PRKN: variants seen among roughly 807,000 people sequenced by gnomAD.
The protein encoded by PRKN is E3 ubiquitin-protein ligase parkin.
Under a neutral mutation model 59.5 loss-of-function variants are expected in PRKN, and 56 were observed. That is an observed-to-expected ratio of 0.94 (90% CI 0.76 to 1.18). The LOEUF (loss-of-function observed/expected upper bound fraction) is 1.18, where lower values mean the gene tolerates loss of function less well. Among genes scored for constraint, PRKN ranks in the 50% most tolerant of loss-of-function variants. The probability of loss-of-function intolerance (pLI) is 0.00; values close to 1 mark genes in which losing one functional copy is unlikely to be tolerated. For synonymous variants in PRKN, 250 were observed against 222.1 expected (o/e 1.13, Z -1.12); for missense variants, 657 against 596.4 (o/e 1.10, Z -1.06).
intron 2 of PRKN, among the ~76,000 whole-genome samples, chr6:162,439,351 TC>T (rs1250736884): frequency 6.8e-6 from 1 of 146,132 alleles, no homozygotes; most frequent in African/African-American, 2.5e-5. Flanking sequence ...TCTCTCTCTC[TC>T]TCTCTCTCTC....
chr6:162,445,984 G>A (rs1790299747), intron 1 of PRKN, among the ~76,000 whole-genome samples: 1 of 152,010 alleles, frequency 6.6e-6, no homozygotes, highest in South Asian at 2.1e-4. Context: ...AAAGTGTTTA[G>A]AAAAAGGAAG....
chr6:162,052,037 A>G (rs1363692668), intron 5 of PRKN, among the ~76,000 whole-genome samples: 1 of 152,236 alleles, frequency 6.6e-6, no homozygotes, highest in African/African-American at 2.4e-5. Flanking sequence ...CTGTGTTATT[A>G]GATGAGATCG....
chr6:161,955,944 T>C (rs1043807030), intron 6 of PRKN, among the ~76,000 whole-genome samples: 16 of 152,232 alleles, frequency 1.1e-4, no homozygotes, highest in Non-Finnish European at 5.9e-5. Context: ...TTATATACTC[T>C]TTCATTATGC....
chr6:161,381,405 C>G (rs1322787894), intron 10 of PRKN, among the ~76,000 whole-genome samples: 1 of 152,162 alleles, frequency 6.6e-6, no homozygotes, highest in Non-Finnish European at 1.5e-5. Context: ...TCTCCCTTGC[C>G]TATGGACAAA....
chr6:162,110,605 A>G (rs1780388943), intron 4 of PRKN, among the ~76,000 whole-genome samples: 1 of 152,230 alleles, frequency 6.6e-6, no homozygotes, highest in African/African-American at 2.4e-5. Context: ...GAATCCTTAA[A>G]AAGACCGTTG....
In PRKN at chr6:162,312,006, A is replaced by C. The variant is rs954232203; in HGVS notation, c.172-49241T>G. ...CGTGCATGCATACACGTACACACTTATACACCATGCATATATGTGTGTGTT... is the reference window on the plus strand; with the variant it reads ...CGTGCATGCATACACGTACACACTTCTACACCATGCATATATGTGTGTGTT... On this transcript the variant is annotated intron_variant, in intron 2 of 11. Transcript: ENST00000366898. Among the ~76,000 whole-genome samples the C allele has an allele frequency of 2.0e-5, 3 of 152,152 alleles. No individual in the cohort carries two copies. The South Asian group carries it at 6.2e-4, about 32-fold the overall frequency.
chr6:162,035,994 T>A (rs1002277600), intron 5 of PRKN, among the ~76,000 whole-genome samples: 5 of 152,056 alleles, frequency 3.3e-5, no homozygotes, highest in African/African-American at 1.2e-4. Context: ...GTAGAGAAGA[T>A]CCTCCTAATA....
intron 9 of PRKN, among the ~76,000 whole-genome samples, chr6:161,481,994 A>G (rs1791424489): frequency 1.5e-5 from 2 of 133,756 alleles, no homozygotes; most frequent in African/African-American, 5.5e-5. Flanking sequence ...TGGTCCATAA[A>G]TATGTTCATT....
intron 1 of PRKN, among the ~76,000 whole-genome samples, chr6:162,450,638 T>C (rs1490278511): frequency 2.6e-5 from 4 of 152,124 alleles, no homozygotes; most frequent in Non-Finnish European, 5.9e-5. Flanking sequence ...CAGTCTAATC[T>C]TCACGAAAAC....
intron 7 of PRKN, among the ~76,000 whole-genome samples, chr6:161,703,839 CTTTTTTTTTTTTTTTTTTTTT>C (rs71004062): frequency 0.043 from 2,560 of 59,868 alleles, 124 homozygotes; most frequent in African/African-American, 0.14. Context: ...CTCTCTCTCT[CTTTTTTTTTTTTTTTTTTTTT>C]TTTTTTTTTT....
intron 1 of PRKN, among the ~76,000 whole-genome samples, chr6:162,478,924 C>G (rs1231146299): frequency 1.3e-5 from 2 of 152,180 alleles, no homozygotes; most frequent in Non-Finnish European, 2.9e-5. Flanking sequence ...TCTGGGTGAT[C>G]AGGGAGCGAG....
chr6:162,638,690 C>G lies in PRKN; in HGVS notation c.7+88972G>C, dbSNP rs560953584. Reference sequence around the variant, plus strand: ...GCCCCAAAACTCTCAGAGCAAAGTACAAGTACTTCCGTTTGGTATTCTAGG... The same window carrying G: ...GCCCCAAAACTCTCAGAGCAAAGTAGAAGTACTTCCGTTTGGTATTCTAGG... On this transcript the variant is annotated intron_variant, in intron 1 of 11. Transcript: ENST00000366898. 3.3e-5 allele frequency among the ~76,000 whole-genome samples: 5 copies of G among 149,278 alleles called. No homozygotes were observed. In the South Asian group the frequency reaches 1.1e-3, roughly 32 times the overall value.
chr6:162,443,276 G>A (rs374566506), intron 2 of PRKN, 34 bp downstream of exon 2: 348 of 1,609,798 alleles, frequency 2.2e-4, no homozygotes, highest in Non-Finnish European at 2.7e-4. Flanking sequence ...TGGAGCTGGC[G>A]GCATCCCAAG....
At chr6:161,933,630 G>T (rs1240752390) in intron 6 of PRKN, among the ~76,000 whole-genome samples, 1 of 150,724 alleles carries the variant, frequency 6.6e-6, no homozygotes. Context: ...GTCCTAAAGT[G>T]TCTGTCTGTC....
intron 5 of PRKN, among the ~76,000 whole-genome samples, chr6:161,997,442 GTC>G (rs1190547264): frequency 1.3e-5 from 2 of 152,034 alleles, no homozygotes; most frequent in South Asian, 2.1e-4. Flanking sequence ...TTTGTGCAGT[GTC>G]TCTGTGCCTT....
intron 6 of PRKN, among the ~76,000 whole-genome samples, chr6:161,788,032 G>A (rs913196849): frequency 9.8e-5 from 15 of 152,302 alleles, no homozygotes; most frequent in African/African-American, 2.9e-4. Flanking sequence ...ACGAACTCCC[G>A]CCACAGTGGC....
At chr6:161,949,601 C>T (rs961571445) in intron 6 of PRKN, among the ~76,000 whole-genome samples, 1 of 152,184 alleles carries the variant, frequency 6.6e-6, no homozygotes, top group Non-Finnish European at 1.5e-5. Flanking sequence ...AGGCCCTCTG[C>T]AAGTGGATCC....
chr6:162,460,128 T>G (rs1562781355), intron 1 of PRKN, among the ~76,000 whole-genome samples: 2 of 152,238 alleles, frequency 1.3e-5, no homozygotes, highest in Non-Finnish European at 2.9e-5. Context: ...TGCTCATCAA[T>G]TAACCAATGA....
chr6:162,177,094 C>G (rs1320884979), intron 4 of PRKN, among the ~76,000 whole-genome samples: 1 of 151,952 alleles, frequency 6.6e-6, no homozygotes, highest in East Asian at 1.9e-4. Flanking sequence ...CACTGGATTG[C>G]TGTATATAGT....
Sources: gnomAD v4.1 joint callset for allele counts (sites outside exome capture counted in the v4.1 genomes callset) on GRCh38, gnomAD v4.1.1 for gene constraint, MANE v1.5 for transcripts, NCBI Gene and HGNC (gene_info 2026-07-23, HGNC 2026-07-21) for gene names.